The following FDCSP variants were observed in gnomAD, a reference collection of about 807,000 sequenced individuals.
FDCSP encodes follicular dendritic cell secreted peptide.
FDCSP carries 8 observed loss-of-function variants against 8.9 expected under a neutral mutation model. That is an observed-to-expected ratio of 0.90 (90% CI 0.53 to 1.63). FDCSP has a LOEUF of 1.63. Among genes scored for constraint, FDCSP ranks in the 40% most tolerant of loss-of-function variants. The pLI is 0.00. For synonymous variants in FDCSP, 34 were observed against 34.5 expected (o/e 0.98, Z 0.06); for missense variants, 101 against 103.6 (o/e 0.98, Z 0.11).
At chr4:70,228,646 C>T (rs946663387) in intron 1 of FDCSP, among the ~76,000 whole-genome samples, 1 of 151,830 alleles carries the variant, frequency 6.6e-6, no homozygotes, top group Middle Eastern at 3.4e-3. Flanking sequence ...ATAATGAAAC[C>T]TGAAAGTCAA....
chr4:70,232,598 C>G (rs148155739), intron 2 of FDCSP, among the ~76,000 whole-genome samples: 1 of 151,546 alleles, frequency 6.6e-6, no homozygotes, highest in African/African-American at 2.4e-5. Context: ...CAATGCATGA[C>G]TCTATATTTT....
At chr4:70,234,292 G>T in intron 4 of FDCSP, 77 bp downstream of exon 4, 1 of 1,202,350 alleles carries the variant, frequency 8.3e-7, no homozygotes, top group Non-Finnish European at 1.2e-6. Flanking sequence ...AAAAAAAAAT[G>T]TTAACTATGT....
intron 2 of FDCSP, among the ~76,000 whole-genome samples, chr4:70,231,609 T>G (rs1466572105): frequency 6.6e-6 from 1 of 151,748 alleles, no homozygotes; most frequent in African/African-American, 2.4e-5. Context: ...CTGCCAGTCA[T>G]ATAAGAATAG....
chr4:70,232,853 C>A (rs886236688), intron 2 of FDCSP, 141 bp from the exon 3 acceptor site: 16 of 746,740 alleles, frequency 2.1e-5, no homozygotes, highest in Non-Finnish European at 2.8e-5. Flanking sequence ...ATCATTTCTA[C>A]ATTTCTAGAC....
At chr4:70,233,157 C>T (rs550088873) in intron 3 of FDCSP, 131 bp downstream of exon 3, 14 of 709,178 alleles carry the variant, frequency 2.0e-5, no homozygotes, top group Non-Finnish European at 2.7e-5. Context: ...GGTATTAGCA[C>T]TCAACAGAGG....
At chr4:70,226,459 G>C (rs942121552) in intron 1 of FDCSP, among the ~76,000 whole-genome samples, 1 of 151,738 alleles carries the variant, frequency 6.6e-6, no homozygotes, top group African/African-American at 2.4e-5. Context: ...GAGCACTGGT[G>C]GGGGAGAGTG....
chr4:70,229,024 G>A (rs1227174662), intron 1 of FDCSP, among the ~76,000 whole-genome samples: 7 of 151,742 alleles, frequency 4.6e-5, no homozygotes, highest in Non-Finnish European at 8.8e-5. Context: ...TTTGAAGCCA[G>A]GCATTGTTTT....
intron 1 of FDCSP, among the ~76,000 whole-genome samples, chr4:70,229,791 C>T (rs1228212102): frequency 1.3e-5 from 2 of 151,512 alleles, no homozygotes; most frequent in East Asian, 3.9e-4. Context: ...AGTAACACCA[C>T]CAAAGACCAC....
At chr4:70,234,310 T>C in intron 4 of FDCSP, 95 bp downstream of exon 4, 3 of 1,025,794 alleles carry the variant, frequency 2.9e-6, no homozygotes, top group Non-Finnish European at 4.2e-6. Flanking sequence ...TGTCCCTAGT[T>C]GGCCCCTTTC....
chr4:70,233,618 C>T (rs1488752804), intron 3 of FDCSP, among the ~76,000 whole-genome samples: 1 of 151,548 alleles, frequency 6.6e-6, no homozygotes, highest in Non-Finnish European at 1.5e-5. Context: ...GAGACACAAA[C>T]AGATAATTGA....
intron 1 of FDCSP, among the ~76,000 whole-genome samples, chr4:70,230,471 T>C (rs1001363565): frequency 2.6e-5 from 4 of 151,768 alleles, no homozygotes; most frequent in African/African-American, 9.7e-5. Context: ...AACTGATACA[T>C]TTTAACAGTG....
rs115845618 is a variant in FDCSP, at chr4:70,229,084, A to G, written c.1-2111A>G. ...AGATGGTATCTTTCTCCAAAATAAG[A>G]CTGTTTCGTCCACAATAAAAATCTA... On this transcript the variant is annotated intron_variant, in intron 1 of 4. Coordinates refer to ENST00000317987, the MANE Select transcript of FDCSP (RefSeq NM_152997.4). Among the ~76,000 whole-genome samples, 1,116 of 151,814 alleles carry G rather than the reference A, an allele frequency of 7.4e-3. 13 individuals carry two copies. Among genetic ancestry groups the G allele is most frequent in the African/African-American group, 0.025 (1,052 of 41,450 alleles).
At chr4:70,229,594 A>G (rs762757296) in intron 1 of FDCSP, among the ~76,000 whole-genome samples, 15 of 151,716 alleles carry the variant, frequency 9.9e-5, no homozygotes, top group Admixed American at 4.0e-4. Context: ...AACACTTAGA[A>G]GGCATTGTAG....
intron 1 of FDCSP, among the ~76,000 whole-genome samples, chr4:70,229,054 G>A (rs945546883): frequency 6.6e-6 from 1 of 151,798 alleles, no homozygotes; most frequent in Admixed American, 6.6e-5. Context: ...AGCTATGAAA[G>A]TTCTAGATGG....
In FDCSP at chr4:70,234,621, GT is replaced by G. The variant is rs1730146224; in HGVS notation, c.*28+407del. Among the ~76,000 whole-genome samples, 3 of 151,542 alleles carry G rather than the reference GT, an allele frequency of 2.0e-5. No homozygotes were observed. The South Asian group carries it at 6.2e-4, about 31-fold the overall frequency. The stretch of plus-strand genomic sequence containing the variant: ...ACCAGCTTAGCCCTTAGAGAAACAT[GT>G]AATTTTTCTAATACTAAAACTCCAA... On this transcript the variant is annotated intron_variant, in intron 4 of 4. Coordinates refer to ENST00000317987, the MANE Select transcript of FDCSP (RefSeq NM_152997.4).
intron 1 of FDCSP, among the ~76,000 whole-genome samples, chr4:70,227,329 C>T (rs970567836): frequency 6.6e-6 from 1 of 151,704 alleles, no homozygotes; most frequent in Non-Finnish European, 1.5e-5. Flanking sequence ...TTCCTGTCTT[C>T]TCAAAATTAT....
chr4:70,231,922 T>A (rs1309263707), intron 2 of FDCSP, among the ~76,000 whole-genome samples: 1 of 151,690 alleles, frequency 6.6e-6, no homozygotes, highest in Non-Finnish European at 1.5e-5. Context: ...AGCTAATGTA[T>A]ATGTTTATGT....
At chr4:70,232,324 A>AT (rs1201735389) in intron 2 of FDCSP, among the ~76,000 whole-genome samples, 1 of 151,512 alleles carries the variant, frequency 6.6e-6, no homozygotes, top group Non-Finnish European at 1.5e-5. Flanking sequence ...TTTATACTGT[A>AT]TTTTTTACTG....
At chr4:70,229,796 G>C (rs1730049677) in intron 1 of FDCSP, among the ~76,000 whole-genome samples, 1 of 151,432 alleles carries the variant, frequency 6.6e-6, no homozygotes, top group Non-Finnish European at 1.5e-5. Context: ...CACCACCAAA[G>C]ACCACTGATC....
Sources: gnomAD v4.1 joint callset for allele counts (sites outside exome capture counted in the v4.1 genomes callset) on GRCh38, gnomAD v4.1.1 for gene constraint, MANE v1.5 for transcripts, NCBI Gene and HGNC (gene_info 2026-07-23, HGNC 2026-07-21) for gene names.